ZNF254: variants seen among roughly 807,000 people sequenced by gnomAD.
The protein encoded by ZNF254 is CTD-2017D11.1.
Under a neutral mutation model 12.4 loss-of-function variants are expected in ZNF254, and 10 were observed. The ratio of observed to expected loss-of-function variants is 0.80; its 90% CI spans 0.50 to 1.36. The LOEUF (loss-of-function observed/expected upper bound fraction) is 1.36. ZNF254 is among the 40% of genes most tolerant of loss of function. The pLI, the probability that ZNF254 is intolerant of heterozygous loss-of-function variation, is 0.00. For missense variants in ZNF254, 996 were observed against 763.9 expected (o/e 1.30, Z -3.58); for synonymous variants, 305 against 253.4 (o/e 1.20, Z -1.93).
At chr19:24,088,210 G>C (rs560879919) in intron 1 of ZNF254, among the ~76,000 whole-genome samples, 27 of 152,032 alleles carry the variant, frequency 1.8e-4, no homozygotes, top group African/African-American at 6.5e-4. Context: ...GCCCAGCCTC[G>C]TTTCTTAATT....
intron 3 of ZNF254, chr19:24,107,100 C>A (rs1376269272): frequency 6.4e-6 from 3 of 471,904 alleles, no homozygotes; most frequent in Admixed American, 4.0e-5. Flanking sequence ...GTTTTCATTA[C>A]TGTAGTCTTG....
intron 1 of ZNF254, among the ~76,000 whole-genome samples, chr19:24,100,183 A>T (rs1972924997): frequency 6.6e-6 from 1 of 152,156 alleles, no homozygotes. Context: ...TATCTTCAGA[A>T]CTGAAACTGA....
chr19:24,124,815 C>T (rs1974720322), intron 3 of ZNF254, among the ~76,000 whole-genome samples: 1 of 151,488 alleles, frequency 6.6e-6, no homozygotes, highest in Non-Finnish European at 1.5e-5. Context: ...TATCCTCCAG[C>T]CAGGCTTGAG....
Position 24,128,993 on chromosome 19 carries a change from A to T in ZNF254, c.*1013A>T, listed in dbSNP as rs1379757967. 1 of 147,642 alleles carries T rather than the reference A, an allele frequency of 6.8e-6. No homozygotes were observed. Among genetic ancestry groups the T allele is most frequent in the Admixed American group, 6.8e-5 (1 of 14,772 alleles). The allele number at this position is 147,642 out of a possible 1,614,324, so 9.1% of individuals were successfully genotyped here. On this transcript the variant is annotated 3_prime_UTR_variant, in exon 4 of 4. Transcript: ENST00000357002. The stretch of plus-strand genomic sequence containing the variant: ...GTGTATTCATATGTGAAAGCATGTG[A>T]CTAATTGTTGCTGCATAAAAGATAT...
intron 3 of ZNF254, among the ~76,000 whole-genome samples, chr19:24,116,925 A>T (rs1450818465): frequency 6.6e-6 from 1 of 152,124 alleles, no homozygotes; most frequent in Non-Finnish European, 1.5e-5. Flanking sequence ...CAGGACCCTC[A>T]GCTGCAGGTC....
rs1172844946 is a variant in ZNF254, at chr19:24,127,943, A to G, written c.1943A>G (p.Asp648Gly). 8 of 1,582,960 alleles carry G rather than the reference A, an allele frequency of 5.1e-6. No homozygotes were observed. Among genetic ancestry groups the G allele is most frequent in the Non-Finnish European group, 6.8e-6 (8 of 1,168,814 alleles). The change falls in exon 4 of 4, where the codon GAT (aspartate) becomes GGT (glycine). Residue 648 changes from aspartate (D) to glycine (G), a missense_variant. Asp to Gly is a moderately conservative substitution (Grantham distance 94, BLOSUM62 -1). Coordinates refer to ENST00000357002, the MANE Select transcript of ZNF254 (RefSeq NM_203282.4). ...AATCGGTCCTCGCACCTCACCACAG[A>G]TAAGATAACTCATTGGAGAGAAATC... The part of the protein sequence containing the change: ...AFNRSSHLTT[D>G]KITHWREILQ...
chr19:24,112,834 A>T (rs1444541116), intron 3 of ZNF254, among the ~76,000 whole-genome samples: 3 of 152,214 alleles, frequency 2.0e-5, no homozygotes, highest in African/African-American at 7.2e-5. Flanking sequence ...GCAATAAAAA[A>T]TGATAAAGGG....
rs1974928915 is a variant in ZNF254, at chr19:24,127,183, A to G, written c.1183A>G (p.Thr395Ala). 2 of 1,613,514 alleles carry G rather than the reference A, an allele frequency of 1.2e-6. No homozygotes were observed. The highest frequency in any genetic ancestry group is 8.5e-7 in the Non-Finnish European group (1 of 1,179,746). The part of the protein sequence containing the change: ...KAFKQLSTLT[T>A]HKIIHVGEKL... ...TTTTAAGCAACTCTCAACTCTTACT[A>G]CACATAAAATAATTCATGTTGGAGA... Residue 395 changes from threonine to alanine, a missense_variant, in exon 4 of 4, where the codon ACA (threonine) becomes GCA (alanine). Transcript: ENST00000357002.
At chr19:24,071,567 A>G (rs532502380) in intron 2 of ZNF254, among the ~76,000 whole-genome samples, 3 of 152,240 alleles carry the variant, frequency 2.0e-5, no homozygotes, top group Admixed American at 2.0e-4. Context: ...ATTTTGACAT[A>G]CCTCTGAAGC....
At chr19:24,101,491 A>G (rs557098343) in intron 1 of ZNF254, among the ~76,000 whole-genome samples, 1 of 152,314 alleles carries the variant, frequency 6.6e-6, no homozygotes, top group Non-Finnish European at 1.5e-5. Context: ...ATAGAATCTG[A>G]TGGCAGAATC....
chr19:24,126,811 TGTG>T lies in ZNF254; in HGVS notation c.815_817del (p.Gly272del), dbSNP rs143587539. ...AGAGAAACTCTACAAATGTGAAGAA[TGTG>T]GTGAAGCTTTTAATCGATCCTCAAA... On this transcript the variant is annotated inframe_deletion, in exon 4 of 4. Coordinates refer to ENST00000357002, the MANE Select transcript of ZNF254 (RefSeq NM_203282.4). 7.6e-4 allele frequency: 1,222 copies of T among 1,613,344 alleles called. 12 individuals carry two copies. In the African/African-American group the frequency reaches 0.013, roughly 17 times the overall value.
intron 2 of ZNF254, among the ~76,000 whole-genome samples, chr19:24,068,099 GTGACATATTT>G (rs1971344641): frequency 6.6e-6 from 1 of 152,190 alleles, no homozygotes; most frequent in African/African-American, 2.4e-5. Flanking sequence ...AGATGGCCTC[GTGACATATTT>G]TGGCATCCAT....
intron 2 of ZNF254, among the ~76,000 whole-genome samples, chr19:24,062,787 A>G (rs1457846500): frequency 1.3e-5 from 2 of 152,062 alleles, no homozygotes; most frequent in Non-Finnish European, 2.9e-5. Context: ...TGTGACTGCA[A>G]CTTCACTAAG....
upstream of ZNF254, among the ~76,000 whole-genome samples, chr19:24,084,988 A>C (rs889056472): frequency 7.0e-6 from 1 of 143,742 alleles, no homozygotes; most frequent in Non-Finnish European, 1.5e-5. Context: ...GCTGGAGTGC[A>C]GTGACCTGAT....
chr19:24,087,459 C>T, intron 1 of ZNF254, 122 bp downstream of exon 1: 3 of 1,251,824 alleles, frequency 2.4e-6, no homozygotes, highest in African/African-American at 1.5e-5. Flanking sequence ...CCAGCTCGAC[C>T]TCAGTCCCCT....
intron 2 of ZNF254, among the ~76,000 whole-genome samples, chr19:24,057,080 CT>C (rs1171455023): frequency 6.6e-6 from 1 of 152,152 alleles, no homozygotes; most frequent in African/African-American, 2.4e-5. Flanking sequence ...TCACTCTTCT[CT>C]TTTTAGGAAG....
intron 1 of ZNF254, among the ~76,000 whole-genome samples, chr19:24,087,550 C>T (rs917609786): frequency 9.2e-5 from 14 of 152,176 alleles, no homozygotes; most frequent in Admixed American, 6.5e-5. Flanking sequence ...TGTGCCCTGT[C>T]CTGGAGCCCT....
chr19:24,047,654 T>C lies in ZNF254; in HGVS notation c.-94+1375T>C, dbSNP rs187602212. On this transcript the variant is annotated intron_variant, in intron 2 of 4. Coordinates refer to the ZNF254 transcript ENST00000613065. ...CTTGCTTGCTTCTTTCCTTCATTTC[T>C]TTCTTTATTCTACATTTTTCTTTTT... Among the ~76,000 whole-genome samples the C allele has an allele frequency of 4.2e-3, 634 of 149,688 alleles. 4 individuals carry two copies. Among genetic ancestry groups the C allele is most frequent in the African/African-American group, 0.015 (593 of 40,796 alleles).
At chr19:24,091,616 C>T (rs958390501) in intron 1 of ZNF254, among the ~76,000 whole-genome samples, 3 of 152,022 alleles carry the variant, frequency 2.0e-5, no homozygotes, top group Admixed American at 6.6e-5. Context: ...CCTCAGCCTC[C>T]GGAGTAGCTG....
Sources: gnomAD v4.1 joint callset for allele counts (sites outside exome capture counted in the v4.1 genomes callset) on GRCh38, gnomAD v4.1.1 for gene constraint, MANE v1.5 for transcripts, NCBI Gene and HGNC (gene_info 2026-07-23, HGNC 2026-07-21) for gene names.